Variants in SYNE3 observed in about 807,000 individuals in gnomAD.
SYNE3 encodes the protein nesprin-3.
In SYNE3, 100 loss-of-function variants were observed where a neutral mutation model predicts 111.2. The observed-to-expected ratio is 0.90, with a 90% CI of 0.77 to 1.06. SYNE3 has a LOEUF of 1.06. Among genes scored for constraint, SYNE3 ranks in the 50% least tolerant of loss-of-function variants. The pLI is 0.00. For synonymous variants in SYNE3, 547 were observed against 533.9 expected (o/e 1.02, Z -0.34); for missense variants, 1,160 against 1,240.3 (o/e 0.94, Z 0.97).
At chr14:95,433,564 T>A (rs1885915875) in intron 15 of SYNE3, among the ~76,000 whole-genome samples, 155 bp from the exon 16 acceptor site, 2 of 152,208 alleles carry the variant, frequency 1.3e-5, no homozygotes, top group Admixed American at 6.5e-5. Context: ...TCTGTGCAAT[T>A]CAAGCCAAGG....
chr14:95,441,885 G>A (rs1886435322), intron 11 of SYNE3, among the ~76,000 whole-genome samples: 1 of 152,244 alleles, frequency 6.6e-6, no homozygotes, highest in South Asian at 2.1e-4. Flanking sequence ...GTGATACTAG[G>A]TGGAGTGAGA....
rs544365750 is a variant in SYNE3, at chr14:95,460,891, G to A, written c.628-3553C>T. On this transcript the variant is annotated intron_variant, in intron 4 of 17. Coordinates refer to ENST00000682763, the MANE Select transcript of SYNE3 (RefSeq NM_152592.6). ...GAGTGAACTCTCCCATGGAAGTGCC[G>A]GCCGTGGCTGCTAGTGTGTGAAGGA... Among the ~76,000 whole-genome samples the A allele has an allele frequency of 2.7e-3, 418 of 152,324 alleles. 1 individual carries two copies. The highest frequency in any genetic ancestry group is 9.4e-3 in the African/African-American group (392 of 41,570).
intron 2 of SYNE3, among the ~76,000 whole-genome samples, chr14:95,472,444 G>A (rs1197736612): frequency 1.3e-5 from 2 of 152,210 alleles, no homozygotes; most frequent in Non-Finnish European, 2.9e-5. Flanking sequence ...CCCACTGCTG[G>A]AGGCTCTGGG....
chr14:95,454,574 A>G (rs1887293878), intron 6 of SYNE3, among the ~76,000 whole-genome samples: 1 of 152,234 alleles, frequency 6.6e-6, no homozygotes, highest in South Asian at 2.1e-4. Flanking sequence ...GAGGAAGGTG[A>G]TAACTGCAGG....
intron 1 of SYNE3, among the ~76,000 whole-genome samples, chr14:95,490,119 G>A (rs149161170): frequency 6.6e-4 from 100 of 152,330 alleles, no homozygotes; most frequent in African/African-American, 2.2e-3. Context: ...GGCAACGTCC[G>A]ATTCACCTTG....
rs1889523661 is a variant in SYNE3, at chr14:95,485,918, G to T, written c.-14-10083C>A. On this transcript the variant is annotated intron_variant, in intron 1 of 17. Transcript: ENST00000682763. The surrounding 1 kb of genome is among the most constrained non-coding windows in gnomAD (Gnocchi z 4.3). The stretch of plus-strand genomic sequence containing the variant: ...CACCTCACCCCTGAGGACCAGCAGA[G>T]TCTGATTTGGGACAAGGGTCAGGGG... Among the ~76,000 whole-genome samples, 1 of 152,126 alleles carries T rather than the reference G, an allele frequency of 6.6e-6. No homozygotes were observed. The highest frequency in any genetic ancestry group is 2.4e-5 in the African/African-American group (1 of 41,412).
At chr14:95,463,201 T>C (rs549955583) in intron 4 of SYNE3, among the ~76,000 whole-genome samples, 10 of 151,120 alleles carry the variant, frequency 6.6e-5, no homozygotes, top group Admixed American at 5.9e-4. Context: ...ATCTACTTCA[T>C]AAAAAGACTG....
intron 1 of SYNE3, chr14:95,516,093 C>G (rs1475385768): frequency 1.3e-5 from 2 of 152,322 alleles, no homozygotes; most frequent in Non-Finnish European, 2.9e-5. Flanking sequence ...GGCGTCTGAA[C>G]GAAACTGAGC....
At chr14:95,452,433 T>A in intron 6 of SYNE3, 50 bp from the exon 7 acceptor site, 6 of 1,548,516 alleles carry the variant, frequency 3.9e-6, no homozygotes, top group Non-Finnish European at 5.2e-6. Context: ...CTCAACAGGA[T>A]AAGTGTGTGT....
rs145895795 is a variant in SYNE3 at position 95,416,840 on chromosome 14, G to A, written c.*986C>T. 1,571 of 152,426 alleles carry A rather than the reference G, an allele frequency of 0.01. 8 individuals carry two copies. The highest frequency in any genetic ancestry group is 0.016 in the Non-Finnish European group (1,079 of 68,106). The allele number at this position is 152,426 out of a possible 1,614,324, so 9.4% of individuals were successfully genotyped here. The stretch of plus-strand genomic sequence containing the variant: ...ATGCTTCCCTTCTCACCTGCAGCTC[G>A]AGCTCTCGACGATGAAAACTCAGTC... On this transcript the variant is annotated 3_prime_UTR_variant, in exon 18 of 18. Coordinates refer to ENST00000682763, the MANE Select transcript of SYNE3 (RefSeq NM_152592.6).
At chr14:95,471,093 G>T (rs1017215986) in intron 2 of SYNE3, among the ~76,000 whole-genome samples, 2 of 152,172 alleles carry the variant, frequency 1.3e-5, no homozygotes, top group Non-Finnish European at 2.9e-5. Flanking sequence ...AAACAAGGGA[G>T]CTGGGGACCC....
chr14:95,450,024 C>T lies in SYNE3; in HGVS notation c.1356G>A (p.Leu452=). The change falls in exon 8 of 18, where the codon CTG becomes CTA. Residue 452 remains leucine, a synonymous_variant. Coordinates refer to ENST00000682763, the MANE Select transcript of SYNE3 (RefSeq NM_152592.6). ...GCTGGGCCAGGGCCTTCCACAGCTG[C>T]AGATCCTGCAGAGGCCGCTGGAAAT... ...WQHFQRPLQD[L]QLWKALAQRL... is the part of the protein sequence containing the mutation. 6.4e-7 allele frequency: 1 copy of T among 1,559,156 alleles called. No homozygotes were observed. Among genetic ancestry groups the T allele is most frequent in the Non-Finnish European group, 8.7e-7 (1 of 1,151,508 alleles).
chr14:95,444,483 AC>A lies in SYNE3; in HGVS notation c.1776+1del. 1 of 1,607,776 alleles carries A rather than the reference AC, an allele frequency of 6.2e-7. No homozygotes were observed. The highest frequency in any genetic ancestry group is 8.5e-7 in the Non-Finnish European group (1 of 1,176,402). On this transcript the variant is annotated splice_donor_variant, in intron 10 of 17. Coordinates refer to ENST00000682763, the MANE Select transcript of SYNE3 (RefSeq NM_152592.6). LOFTEE classifies it high-confidence loss of function. ...GTGATTCAGGCCTCACAGACCCCTC[AC>A]CTGCAACCTTGAGAGCTGGGCCTGT...
chr14:95,448,744 C>G (rs962818967), intron 8 of SYNE3, among the ~76,000 whole-genome samples: 7 of 152,172 alleles, frequency 4.6e-5, no homozygotes, highest in African/African-American at 1.7e-4. Context: ...AAGCCCCAAG[C>G]GGAAAATCAC....
intron 4 of SYNE3, among the ~76,000 whole-genome samples, chr14:95,462,826 C>T (rs768672652): frequency 4.6e-5 from 7 of 152,334 alleles, no homozygotes; most frequent in East Asian, 3.9e-4. Flanking sequence ...TCTACTGGGC[C>T]GCTGGTGTCT....
In SYNE3 at chr14:95,411,956, T is replaced by G. The variant is rs953915537; in HGVS notation, c.*5870A>C. The G allele has an allele frequency of 6.6e-6, 1 of 152,310 alleles. No homozygotes were observed. Among genetic ancestry groups the G allele is most frequent in the Non-Finnish European group, 1.5e-5 (1 of 68,118 alleles). 9.4% of individuals were successfully genotyped at this position (152,310 alleles called of 1,614,324 possible). A position where few individuals can be genotyped will look rare whatever the true frequency, so the allele number is the denominator to read the frequency against. On this transcript the variant is annotated 3_prime_UTR_variant, in exon 18 of 18. Transcript: ENST00000682763. ...TTTACCAGGAAGACAGACTAATAAT[T>G]GGGCTAGTAATGGACACGACAATCA...
rs368478628 is a variant in SYNE3, at chr14:95,452,238, C to T, written c.1274+9G>A. ...CCTGAGTCCCACCACCCTTGGCCTT[C>T]CCAGATACCTCTGATACTCCTGGAT... is the stretch of plus-strand genomic sequence containing the variant. On this transcript the variant is annotated intron_variant, in intron 7 of 17. Coordinates refer to ENST00000682763, the MANE Select transcript of SYNE3 (RefSeq NM_152592.6). 2.9e-5 allele frequency: 46 copies of T among 1,586,024 alleles called. No homozygotes were observed. The highest frequency in any genetic ancestry group is 1.7e-4 in the Middle Eastern group (1 of 5,972).
intron 1 of SYNE3, among the ~76,000 whole-genome samples, chr14:95,496,901 G>A (rs4999522): frequency 0.64 from 97,705 of 152,092 alleles, 31,859 homozygotes; most frequent in African/African-American, 0.76. Flanking sequence ...ATCCACTCTC[G>A]TACTCTTACA....
In SYNE3 at chr14:95,455,416, C is replaced by G. The variant is rs1191168487; in HGVS notation, c.1098G>C (p.Gly366=). ...AGTGTGCCACCAGCTCGTCCTCGGT[C>G]CCCGCTTTCGCCGCAGGCTGCAGGC... The part of the protein sequence containing the change: ...QEGLQPAAKA[G]TEDELVAHWR... Residue 366 remains glycine (G), a synonymous_variant, in exon 6 of 18, where the codon GGG becomes GGC. Transcript: ENST00000682763. 6.4e-7 allele frequency: 1 copy of G among 1,568,474 alleles called. No individual in the cohort carries two copies. The highest frequency in any genetic ancestry group is 8.6e-7 in the Non-Finnish European group (1 of 1,158,470).
Sources: gnomAD v4.1 joint callset for allele counts (sites outside exome capture counted in the v4.1 genomes callset) on GRCh38, gnomAD v4.1.1 for gene constraint, Gnocchi (gnomAD v3.1) non-coding constraint, MANE v1.5 for transcripts, NCBI Gene and HGNC (gene_info 2026-07-23, HGNC 2026-07-21) for gene names.